The following PCDHGA6 variants were observed in gnomAD, a reference collection of about 807,000 sequenced individuals.
The protein encoded by PCDHGA6 is protocadherin gamma subfamily A, 6.
A neutral mutation model predicts 60.6 loss-of-function variants in PCDHGA6; 41 were observed. The ratio of observed to expected loss-of-function variants is 0.68; its 90% CI spans 0.53 to 0.88. The LOEUF (loss-of-function observed/expected upper bound fraction) is 0.88. Ranked by LOEUF, PCDHGA6 falls within the 40% of genes least tolerant of loss-of-function variation. The pLI is 0.00. For missense variants in PCDHGA6, 1,312 were observed against 1,203.0 expected (o/e 1.09, Z -1.34); for synonymous variants, 594 against 524.4 (o/e 1.13, Z -1.81).
At chr5:141,407,535 T>C (rs1471174995) in intron 1 of PCDHGA6, among the ~76,000 whole-genome samples, 1 of 151,840 alleles carries the variant, frequency 6.6e-6, no homozygotes, top group Non-Finnish European at 1.5e-5. Context: ...TTATTGTGCA[T>C]TGGTAACAGA....
At chr5:141,449,979 C>T (rs1382206842) in intron 1 of PCDHGA6, among the ~76,000 whole-genome samples, 1 of 148,862 alleles carries the variant, frequency 6.7e-6, no homozygotes, top group Non-Finnish European at 1.5e-5. Context: ...TCCAAAATAT[C>T]ACACATTGCA....
intron 1 of PCDHGA6, chr5:141,414,677 A>AG: frequency 1.9e-6 from 3 of 1,613,794 alleles, no homozygotes; most frequent in South Asian, 2.2e-5. Flanking sequence ...GACACCATCC[A>AG]GGGGGTACCT....
At chr5:141,464,120 C>G (rs1297254980) in intron 1 of PCDHGA6, among the ~76,000 whole-genome samples, 1 of 151,976 alleles carries the variant, frequency 6.6e-6, no homozygotes, top group African/African-American at 2.4e-5. Flanking sequence ...CAAAAATTAG[C>G]TGGGTGTGGT....
At chr5:141,415,468 G>A (rs762272586) in intron 1 of PCDHGA6, 8 of 1,614,070 alleles carry the variant, frequency 5.0e-6, no homozygotes, top group East Asian at 2.2e-5. Context: ...CTCTCTCACC[G>A]CGGACTCGCG....
chr5:141,403,690 T>G, intron 1 of PCDHGA6: 1 of 1,613,908 alleles, frequency 6.2e-7, no homozygotes, highest in Non-Finnish European at 8.5e-7. Context: ...CTCAACGGAT[T>G]TACCGAGTTA....
chr5:141,415,740 G>GTTTTTTTTTTTTTTTTTT (rs57426385), intron 1 of PCDHGA6: 15 of 625,028 alleles, frequency 2.4e-5, no homozygotes, highest in African/African-American at 7.5e-5. Flanking sequence ...GTTTATTAAG[G>GTTTTTTTTTTTTTTTTTT]TTTTTTTTTT....
At position 141,431,906 on chromosome 5, in the gene PCDHGA6, A is replaced by G; in HGVS notation, c.2424+55399A>G. 1 of 1,613,868 alleles carries G rather than the reference A, an allele frequency of 6.2e-7. No individual in the cohort carries two copies. Among genetic ancestry groups the G allele is most frequent in the Non-Finnish European group, 8.5e-7 (1 of 1,179,692 alleles). On this transcript the variant is annotated intron_variant, in intron 1 of 3. Transcript: ENST00000517434. This position sits in a 1 kb window ranked among gnomAD's most constrained non-coding sequence, Gnocchi z 4.8. ...AGATTCTGAGGAAAACGGACAGGTG[A>G]TCTGTTTCATCCAAGGAAATCTGCC...
Position 141,375,308 on chromosome 5 carries a change from G to A in PCDHGA6, c.1225G>A (p.Ala409Thr), listed in dbSNP as rs761294258. Residue 409 changes from alanine to threonine, a missense_variant, in exon 1 of 4, where the codon GCT becomes ACT. Ala to Thr is a moderately conservative substitution (Grantham distance 58, BLOSUM62 0). Coordinates refer to ENST00000517434, the MANE Select transcript of PCDHGA6 (RefSeq NM_018919.3). ...TTATTATCGATTAGTGACAAATGCA[G>A]CTCTAGACCGGGAAGAGGTATTCTT... ...GNYYRLVTNA[A>T]LDREEVFLYN... The A allele has an allele frequency of 6.2e-7, 1 of 1,613,722 alleles. No homozygotes were observed. The highest frequency in any genetic ancestry group is 1.3e-5 in the African/African-American group (1 of 74,932).
At chr5:141,389,640 G>A in intron 1 of PCDHGA6, 1 of 1,612,974 alleles carries the variant, frequency 6.2e-7, no homozygotes, top group Non-Finnish European at 8.5e-7. Flanking sequence ...TGGCTACTTG[G>A]TGACCAAGGT....
intron 1 of PCDHGA6, chr5:141,399,668 G>A (rs756009874): frequency 1.7e-5 from 28 of 1,613,644 alleles, no homozygotes; most frequent in Non-Finnish European, 8.5e-7. Flanking sequence ...TTCGCGCAGC[G>A]CGCCTTTGAC....
chr5:141,422,359 G>A, intron 1 of PCDHGA6: 1 of 1,558,858 alleles, frequency 6.4e-7, no homozygotes, highest in Non-Finnish European at 8.6e-7. Flanking sequence ...TCAAGATTCT[G>A]GAGAAAATGG....
chr5:141,384,742 G>A (rs1477575254), intron 1 of PCDHGA6: 1 of 1,613,976 alleles, frequency 6.2e-7, no homozygotes, highest in African/African-American at 1.3e-5. Flanking sequence ...CAGCGAGCCA[G>A]GACTCTTTGC....
At chr5:141,396,944 G>A (rs983363091) in intron 1 of PCDHGA6, among the ~76,000 whole-genome samples, 1 of 152,166 alleles carries the variant, frequency 6.6e-6, no homozygotes, top group African/African-American at 2.4e-5. Context: ...GCCCTGGTAG[G>A]AAAGAAAATC....
At chr5:141,421,662 G>A (rs2096591243) in intron 1 of PCDHGA6, 3 of 1,613,844 alleles carry the variant, frequency 1.9e-6, no homozygotes, top group South Asian at 1.1e-5. Context: ...AAGTCAGTGA[G>A]CACGCAATTC....
In PCDHGA6 at chr5:141,489,633, T is replaced by C. The variant is rs1298084961; in HGVS notation, c.2425-5174T>C. On this transcript the variant is annotated intron_variant, in intron 1 of 3. Coordinates refer to ENST00000517434, the MANE Select transcript of PCDHGA6 (RefSeq NM_018919.3). The surrounding 1 kb of genome is among the most constrained non-coding windows in gnomAD (Gnocchi z 4.5). ...TCCTGGATCTCAATGACAACTCTCC[T>C]AGCTTTGCCACCCCTGAGCGAGAGA... The C allele has an allele frequency of 6.2e-7, 1 of 1,614,160 alleles. No individual in the cohort carries two copies. Among genetic ancestry groups the C allele is most frequent in the South Asian group, 1.1e-5 (1 of 91,086 alleles).
Position 141,476,934 on chromosome 5 carries a change from A to G in PCDHGA6, c.2425-17873A>G, listed in dbSNP as rs199685528. On this transcript the variant is annotated intron_variant, in intron 1 of 3. Transcript: ENST00000517434. The surrounding 1 kb of genome is among the most constrained non-coding windows in gnomAD (Gnocchi z 7.6). ...CAAGTCCTTGCAACGGATCTGGATG[A>G]AGGCCCCAACGGTGAAATTATTTAC... 255 of 1,614,164 alleles carry G rather than the reference A, an allele frequency of 1.6e-4. 3 individuals carry two copies. In the South Asian group the frequency reaches 2.6e-3, roughly 16 times the overall value.
At chr5:141,380,635 G>C (rs746308338) in intron 1 of PCDHGA6, among the ~76,000 whole-genome samples, 17 of 152,190 alleles carry the variant, frequency 1.1e-4, no homozygotes, top group African/African-American at 2.4e-4. Flanking sequence ...TAGAAAATGT[G>C]AATGCTAGAG....
chr5:141,466,518 T>C (rs1430823209), intron 1 of PCDHGA6, among the ~76,000 whole-genome samples: 2 of 152,222 alleles, frequency 1.3e-5, no homozygotes, highest in Admixed American at 6.5e-5. Flanking sequence ...TCATTTTTTT[T>C]CCTCCCAAAT....
At chr5:141,394,290 G>C (rs759077173) in intron 1 of PCDHGA6, 5 of 1,613,918 alleles carry the variant, frequency 3.1e-6, no homozygotes, top group Admixed American at 1.7e-5. Context: ...CTCTGTGACC[G>C]AGGACACGCT....
Sources: allele counts gnomAD v4.1 joint callset (sites outside exome capture counted in the v4.1 genomes callset), GRCh38; gene constraint gnomAD v4.1.1; non-coding constraint Gnocchi (gnomAD v3.1); transcripts MANE v1.5; gene names NCBI Gene and HGNC (gene_info 2026-07-23, HGNC 2026-07-21).